LARS2: variants seen among roughly 807,000 people sequenced by gnomAD.
The protein encoded by LARS2 is leucyl-tRNA synthetase 2, mitochondrial.
In LARS2, 81 loss-of-function variants were observed where a neutral mutation model predicts 116.6. The observed-to-expected ratio is 0.69, with a 90% CI of 0.58 to 0.84. The LOEUF is 0.84. LARS2 is among the 40% of genes least tolerant of loss of function. The pLI, the probability that LARS2 is intolerant of heterozygous loss-of-function variation, is 0.00. For synonymous variants in LARS2, 396 were observed against 407.2 expected (o/e 0.97, Z 0.33); for missense variants, 968 against 1,114.5 (o/e 0.87, Z 1.87).
chr3:45,535,366 A>G (rs1433253728), intron 20 of LARS2, among the ~76,000 whole-genome samples: 2 of 145,762 alleles, frequency 1.4e-5, no homozygotes, highest in Admixed American at 6.9e-5. Flanking sequence ...TAAAAAAAAA[A>G]AGAAAAGAAA....
At chr3:45,543,526 C>T (rs1252029632) in intron 21 of LARS2, among the ~76,000 whole-genome samples, 2 of 150,686 alleles carry the variant, frequency 1.3e-5, no homozygotes, top group Non-Finnish European at 2.9e-5. Flanking sequence ...GGCTGGAGTG[C>T]AGTGGCACAA....
chr3:45,510,710 A>G (rs946105989), intron 15 of LARS2, among the ~76,000 whole-genome samples: 2 of 152,198 alleles, frequency 1.3e-5, no homozygotes, highest in Admixed American at 1.3e-4. Context: ...GTGGCAGGGG[A>G]CAGGGAGAAG....
intron 7 of LARS2, among the ~76,000 whole-genome samples, chr3:45,452,723 C>G (rs558505662): frequency 3.3e-5 from 5 of 152,188 alleles, no homozygotes; most frequent in African/African-American, 1.2e-4. Flanking sequence ...GAAGAATTCC[C>G]TCTTTCTAGA....
intron 21 of LARS2, among the ~76,000 whole-genome samples, chr3:45,544,458 G>A (rs1441311396): frequency 6.6e-6 from 1 of 152,190 alleles, no homozygotes; most frequent in Admixed American, 6.5e-5. Flanking sequence ...GAAGTGCTTA[G>A]CCTGCTTCTG....
chr3:45,507,637 A>G (rs1336294426), intron 15 of LARS2, among the ~76,000 whole-genome samples: 5 of 152,152 alleles, frequency 3.3e-5, no homozygotes, highest in South Asian at 2.1e-4. Context: ...AGAATGTTTA[A>G]TAACATGGAG....
At chr3:45,538,881 A>C (rs187979450) in intron 20 of LARS2, among the ~76,000 whole-genome samples, 1 of 152,342 alleles carries the variant, frequency 6.6e-6, no homozygotes, top group Non-Finnish European at 1.5e-5. Flanking sequence ...CTCCTAAGTC[A>C]GCTGTGTCAC....
chr3:45,547,804 G>A lies in LARS2; in HGVS notation c.*274G>A. On this transcript the variant is annotated 3_prime_UTR_variant, in exon 22 of 22. Transcript: ENST00000645846. ...CCCCACCCACACTGCAGGTAGAGGA[G>A]GCCATCTGATCCCATGGGAAGCCAT... The A allele has an allele frequency of 5.8e-6, 2 of 342,182 alleles. No individual in the cohort carries two copies. The highest frequency in any genetic ancestry group is 1.1e-5 in the Non-Finnish European group (2 of 188,660). The allele number at this position is 342,182 out of a possible 1,614,324, so 21.2% of individuals were successfully genotyped here.
intron 6 of LARS2, among the ~76,000 whole-genome samples, chr3:45,444,146 A>AGGT (rs1698969950): frequency 6.7e-6 from 1 of 149,066 alleles, no homozygotes; most frequent in African/African-American, 2.5e-5. Flanking sequence ...CTGGGACTAC[A>AGGT]GGTGCCCACC....
intron 2 of LARS2, among the ~76,000 whole-genome samples, 200 bp from the exon 3 acceptor site, chr3:45,394,233 G>C (rs1698006448): frequency 6.6e-6 from 1 of 152,172 alleles, no homozygotes; most frequent in African/African-American, 2.4e-5. Flanking sequence ...TGATGTTAGG[G>C]GTTACTGACC....
intron 21 of LARS2, among the ~76,000 whole-genome samples, chr3:45,546,000 G>GT (rs1700870666): frequency 6.6e-6 from 1 of 150,910 alleles, no homozygotes; most frequent in Admixed American, 6.6e-5. Context: ...CCCACAGCTT[G>GT]TAAGACCAGG....
chr3:45,536,152 C>T (rs183547711), intron 20 of LARS2, among the ~76,000 whole-genome samples: 1 of 9,372 alleles, frequency 1.1e-4, no homozygotes, highest in African/African-American at 5.2e-4. Context: ...GACAGGGTCT[C>T]ACTCTGTTGC....
intron 7 of LARS2, among the ~76,000 whole-genome samples, chr3:45,450,442 A>T (rs1173331474): frequency 6.6e-6 from 1 of 152,108 alleles, no homozygotes; most frequent in Non-Finnish European, 1.5e-5. Context: ...TACACTCTAC[A>T]TCCATGAGAT....
At position 45,518,027 on chromosome 3, in the gene LARS2, T is replaced by C. The variant is rs2170549; in HGVS notation, c.2169T>C (p.Ala723=). ...QPQLLSNKEK[A]EARKLWEYKN... is the part of the protein sequence containing the mutation. ...AGCTGCTGAGTAACAAGGAGAAAGCTGAGGCCAGGAAGCTCTGGGAGTACA... is the reference window on the plus strand; with the variant it reads ...AGCTGCTGAGTAACAAGGAGAAAGCCGAGGCCAGGAAGCTCTGGGAGTACA... The change falls in exon 18 of 22, where the codon GCT becomes GCC. Residue 723 remains alanine, a synonymous_variant. Transcript: ENST00000645846. 1,566,922 of 1,613,626 alleles carry C rather than the reference T, an allele frequency of 0.97. 768,084 individuals are homozygous for C. The highest frequency in any genetic ancestry group is 1 in the East Asian group (44,853 of 44,862).
chr3:45,508,484 A>G (rs1040908758), intron 15 of LARS2, among the ~76,000 whole-genome samples: 1 of 152,088 alleles, frequency 6.6e-6, no homozygotes, highest in African/African-American at 2.4e-5. Flanking sequence ...ATGTGACATG[A>G]TGGCCCTGGG....
chr3:45,516,863 T>G (rs1370122774), intron 17 of LARS2, among the ~76,000 whole-genome samples: 1 of 152,130 alleles, frequency 6.6e-6, no homozygotes, highest in Non-Finnish European at 1.5e-5. Context: ...AGTTGTTTAG[T>G]ACTAAAATGA....
chr3:45,436,657 G>A lies in LARS2; in HGVS notation c.517-10234G>A, dbSNP rs574472941. On this transcript the variant is annotated intron_variant, in intron 6 of 21. Transcript: ENST00000645846. ...AAAATACAAAAAATTAGCCGGGCGC[G>A]GTGGCGGGCGCCTGTAGTCCCAGCT... Among the ~76,000 whole-genome samples, 473 of 151,906 alleles carry A rather than the reference G, an allele frequency of 3.1e-3. 4 individuals are homozygous for A. Among genetic ancestry groups the A allele is most frequent in the African/African-American group, 0.011 (449 of 41,456 alleles).
chr3:45,460,842 T>C (rs578014421), intron 8 of LARS2, among the ~76,000 whole-genome samples: 1 of 152,120 alleles, frequency 6.6e-6, no homozygotes, highest in Non-Finnish European at 1.5e-5. Flanking sequence ...CTAAGACTAA[T>C]GACAAAATCA....
At chr3:45,389,989 G>A (rs183960583) in intron 1 of LARS2, among the ~76,000 whole-genome samples, 3 of 152,172 alleles carry the variant, frequency 2.0e-5, no homozygotes, top group African/African-American at 7.2e-5. Flanking sequence ...GTCCCCTTAT[G>A]GAATTAGAAC....
intron 8 of LARS2, among the ~76,000 whole-genome samples, chr3:45,469,921 ATAAG>A (rs1699492619): frequency 1.3e-5 from 2 of 152,234 alleles, no homozygotes; most frequent in African/African-American, 4.8e-5. Context: ...ATACCAATTT[ATAAG>A]TATGCTAAGT....
Sources: allele counts gnomAD v4.1 joint callset (sites outside exome capture counted in the v4.1 genomes callset), GRCh38; gene constraint gnomAD v4.1.1; transcripts MANE v1.5; gene names NCBI Gene and HGNC (gene_info 2026-07-23, HGNC 2026-07-21).